The following ZNF324B variants were observed in gnomAD, a reference collection of about 807,000 sequenced individuals.
ZNF324B encodes the protein zinc finger protein 324B.
A neutral mutation model predicts 10.6 loss-of-function variants in ZNF324B; 7 were observed. The ratio of observed to expected loss-of-function variants is 0.66; its 90% CI spans 0.38 to 1.24. The LOEUF is 1.24. Ranked by LOEUF, ZNF324B falls within the 50% of genes most tolerant of loss-of-function variation. The probability of loss-of-function intolerance (pLI) is 0.02; values close to 1 mark genes in which losing one functional copy is unlikely to be tolerated. For synonymous variants in ZNF324B, 316 were observed against 321.0 expected (o/e 0.98, Z 0.17); for missense variants, 640 against 764.7 (o/e 0.84, Z 1.92).
chr19:58,439,986 T>G, the ZNF324B span: 28 of 668,670 alleles, frequency 4.2e-5, no homozygotes, highest in South Asian at 5.1e-4. Context: ...CGCGTGGCGC[T>G]GGCTCCACTT....
chr19:58,455,487 G>A lies in ZNF324B; in HGVS notation c.543G>A (p.Glu181=), dbSNP rs2052907056. 4 of 1,613,964 alleles carry A rather than the reference G, an allele frequency of 2.5e-6. No homozygotes were observed. Among genetic ancestry groups the A allele is most frequent in the Non-Finnish European group, 3.4e-6 (4 of 1,179,978 alleles). ...SSRPREKTFT[E]YRVPGRQPRT... is the part of the protein sequence containing the mutation. Reference sequence around the variant, plus strand: ...GGCCCAGGGAAAAGACCTTCACAGAGTACCGGGTGCCTGGGAGGCAGCCCA... The same window carrying A: ...GGCCCAGGGAAAAGACCTTCACAGAATACCGGGTGCCTGGGAGGCAGCCCA... The change falls in exon 4 of 4, where the codon GAG becomes GAA. Residue 181 remains glutamate, a synonymous_variant. Coordinates refer to ENST00000336614, the MANE Select transcript of ZNF324B (RefSeq NM_207395.3). The surrounding 1 kb of genome is among the most constrained non-coding windows in gnomAD (Gnocchi z 7.0).
At chr19:58,436,979 C>A in the ZNF324B span, 7 of 1,609,374 alleles carry the variant, frequency 4.3e-6, no homozygotes, top group Non-Finnish European at 5.9e-6. Context: ...TTGGGATGAA[C>A]AGAGCTTTCT....
chr19:58,447,516 A>T (rs1223781688), upstream of ZNF324B, among the ~76,000 whole-genome samples: 5 of 152,264 alleles, frequency 3.3e-5, no homozygotes, highest in African/African-American at 1.2e-4. Context: ...GAAGAATTAC[A>T]CATTAGATGG....
the ZNF324B span, chr19:58,430,663 G>A: frequency 5.9e-5 from 9 of 152,346 alleles, no homozygotes; most frequent in East Asian, 1.3e-3. Context: ...ACATTCCTTA[G>A]ATGCAGGGGT....
chr19:58,448,485 G>A (rs2052837319), upstream of ZNF324B, among the ~76,000 whole-genome samples: 1 of 152,224 alleles, frequency 6.6e-6, no homozygotes, highest in African/African-American at 2.4e-5. Flanking sequence ...AGCACTTTGG[G>A]AGGCTGAGGC....
At chr19:58,439,642 G>T in the ZNF324B span, 40 of 1,140,900 alleles carry the variant, frequency 3.5e-5, no homozygotes, top group African/African-American at 5.5e-4. Flanking sequence ...CAGGACCCAC[G>T]TGTGAGGACA....
the ZNF324B span, chr19:58,433,166 G>A: frequency 2.6e-6 from 2 of 774,392 alleles, no homozygotes; most frequent in Admixed American, 2.9e-5. Flanking sequence ...AGATGGCCCT[G>A]CAAAGGTTCC....
chr19:58,449,053 T>C (rs1048510812), upstream of ZNF324B, among the ~76,000 whole-genome samples: 1 of 152,160 alleles, frequency 6.6e-6, no homozygotes, highest in South Asian at 2.1e-4. Context: ...AATGGTTTCG[T>C]GGGCTCCCCC....
At chr19:58,452,960 G>A (rs2052875439) in intron 1 of ZNF324B, among the ~76,000 whole-genome samples, 1 of 151,960 alleles carries the variant, frequency 6.6e-6, no homozygotes, top group South Asian at 2.1e-4. Flanking sequence ...TTAGCCAGGT[G>A]TGGTGGCGGG....
In ZNF324B at chr19:58,451,663, C is replaced by CTG. The variant is rs750742102; in HGVS notation, c.-45_-44dup. On this transcript the variant is annotated 5_prime_UTR_variant, in exon 1 of 4. Transcript: ENST00000336614. ...CGTCAGGCCACACCGGTGGTCTGGG[C>CTG]TGTGGCGCGCGGGTCGGGGCCCGAG... The CTG allele has an allele frequency of 2.6e-5, 13 of 508,336 alleles. No individual in the cohort carries two copies. Among genetic ancestry groups the CTG allele is most frequent in the Non-Finnish European group, 4.3e-5 (11 of 255,676 alleles). The allele number at this position is 508,336 out of a possible 1,614,324, so 31.5% of individuals were successfully genotyped here.
chr19:58,445,203 C>A, the ZNF324B span: 1 of 295,986 alleles, frequency 3.4e-6, no homozygotes, highest in Non-Finnish European at 6.5e-6. Context: ...AATATGAAAC[C>A]TCATCCTGCA....
At chr19:58,433,665 A>G in the ZNF324B span, 75 of 1,613,838 alleles carry the variant, frequency 4.6e-5, no homozygotes, top group Admixed American at 2.0e-4. Flanking sequence ...TTTCTCCAGT[A>G]TGAACTTTCT....
At chr19:58,421,562 G>C in the ZNF324B span, among the ~76,000 whole-genome samples, 1 of 152,040 alleles carries the variant, frequency 6.6e-6, no homozygotes, top group Non-Finnish European at 1.5e-5. Flanking sequence ...TGTATTTTTA[G>C]TAGAGACAGC....
the ZNF324B span, among the ~76,000 whole-genome samples, chr19:58,425,188 G>A: frequency 1.3e-5 from 2 of 152,006 alleles, no homozygotes; most frequent in African/African-American, 4.8e-5. Flanking sequence ...CCCAGGAGGT[G>A]GAGCTTGCCG....
At position 58,456,074 on chromosome 19, in the gene ZNF324B, G is replaced by A. The variant is rs1332218983; in HGVS notation, c.1130G>A (p.Arg377His). 6.2e-7 allele frequency: 1 copy of A among 1,611,566 alleles called. No homozygotes were observed. The highest frequency in any genetic ancestry group is 8.5e-7 in the Non-Finnish European group (1 of 1,179,866). ...RPYACAQCGR[R>H]FCRNSHLIQH... ...TATGCTTGCGCACAGTGTGGCCGCC[G>A]CTTCTGCCGCAACTCGCACCTGATC... The change falls in exon 4 of 4, where the codon CGC (arginine) becomes CAC (histidine). Residue 377 changes from arginine to histidine, a missense_variant. Around this residue, in one of 3 missense-constraint regions of ZNF324B, gnomAD observed 238 missense variants for 258.0 expected, o/e 0.92. Coordinates refer to ENST00000336614, the MANE Select transcript of ZNF324B (RefSeq NM_207395.3). The surrounding 1 kb of genome is among the most constrained non-coding windows in gnomAD (Gnocchi z 4.7).
chr19:58,454,837 C>CCTG (rs1178000790), intron 3 of ZNF324B: 13 of 527,044 alleles, frequency 2.5e-5, no homozygotes, highest in Non-Finnish European at 4.1e-5. Context: ...GTGCCCAAGA[C>CCTG]GGGGCACCAG....
chr19:58,453,375 T>C, intron 1 of ZNF324B: 4 of 426,518 alleles, frequency 9.4e-6, no homozygotes, highest in Non-Finnish European at 1.7e-5. Context: ...CTGGGGAGGG[T>C]CATGAATGGT....
At chr19:58,448,289 C>G (rs62117597), upstream of ZNF324B, among the ~76,000 whole-genome samples, 43 of 152,140 alleles carry the variant, frequency 2.8e-4, no homozygotes, top group Non-Finnish European at 5.7e-4. Flanking sequence ...GCAATGAACT[C>G]CAGGCTGAGG....
chr19:58,425,270 GA>G, the ZNF324B span, among the ~76,000 whole-genome samples: 1 of 146,986 alleles, frequency 6.8e-6, no homozygotes, highest in Non-Finnish European at 1.5e-5. Flanking sequence ...AAAAAAAAAA[GA>G]TGGGGTCTTG....
Sources: gnomAD v4.1 joint callset for allele counts (sites outside exome capture counted in the v4.1 genomes callset) on GRCh38, gnomAD v4.1.1 for gene constraint, gnomAD v4.1.1 regional missense constraint, Gnocchi (gnomAD v3.1) non-coding constraint, MANE v1.5 for transcripts, NCBI Gene and HGNC (gene_info 2026-07-23, HGNC 2026-07-21) for gene names.